The following CR1L variants were observed in gnomAD, a reference collection of about 807,000 sequenced individuals.
The protein encoded by CR1L is complement C3b/C4b receptor 1 like.
CR1L carries 59 observed loss-of-function variants against 62.3 expected under a neutral mutation model. That is an observed-to-expected ratio of 0.95 (90% confidence interval 0.77 to 1.18). The LOEUF (loss-of-function observed/expected upper bound fraction) is 1.18, where lower values mean the gene tolerates loss of function less well. Ranked by LOEUF, CR1L falls within the 50% of genes most tolerant of loss-of-function variation. The pLI, the probability that CR1L is intolerant of heterozygous loss-of-function variation, is 0.00. For missense variants in CR1L, 700 were observed against 702.8 expected (o/e 1.00, Z 0.04); for synonymous variants, 279 against 248.7 (o/e 1.12, Z -1.15).
At chr1:207,657,731 T>TA (rs1377946208) in intron 1 of CR1L, among the ~76,000 whole-genome samples, 1 of 152,182 alleles carries the variant, frequency 6.6e-6, no homozygotes, top group Non-Finnish European at 1.5e-5. Flanking sequence ...AAACTCTGGA[T>TA]AAAAAATAAT....
At chr1:207,675,854 T>C (rs1333630921) in intron 1 of CR1L, among the ~76,000 whole-genome samples, 1 of 152,240 alleles carries the variant, frequency 6.6e-6, no homozygotes, top group Non-Finnish European at 1.5e-5. Context: ...GTCTACTATA[T>C]AATATGAAAT....
At chr1:207,674,861 C>CA (rs1238424771) in intron 1 of CR1L, among the ~76,000 whole-genome samples, 36 of 141,578 alleles carry the variant, frequency 2.5e-4, no homozygotes, top group Non-Finnish European at 5.0e-4. Context: ...CTGTTTTATT[C>CA]GTGTTTTTTT....
intron 3 of CR1L, among the ~76,000 whole-genome samples, chr1:207,683,399 C>T (rs780434360): frequency 2.6e-5 from 4 of 152,058 alleles, no homozygotes; most frequent in South Asian, 2.1e-4. Flanking sequence ...AGCCTCCAAA[C>T]GTGCTGGGAT....
At chr1:207,668,867 C>A (rs1373616571) in intron 1 of CR1L, among the ~76,000 whole-genome samples, 1 of 150,974 alleles carries the variant, frequency 6.6e-6, no homozygotes. Context: ...AATCTAGTCT[C>A]CATACTATAC....
chr1:207,669,312 C>A, intron 1 of CR1L: 1 of 612,040 alleles, frequency 1.6e-6, no homozygotes, highest in Non-Finnish European at 2.9e-6. Flanking sequence ...GCATTTTGTC[C>A]CGGAACCCCG....
intron 10 of CR1L, chr1:207,711,354 T>C (rs115123831): frequency 6.2e-6 from 1 of 162,348 alleles, no homozygotes; most frequent in African/African-American, 2.4e-5. Context: ...AAGACGGATG[T>C]ACCGAGGCAG....
At chr1:207,721,223 G>A (rs1449073144) in intron 11 of CR1L, among the ~76,000 whole-genome samples, 1 of 151,952 alleles carries the variant, frequency 6.6e-6, no homozygotes, top group African/African-American at 2.4e-5. Context: ...TTAAGTTTTA[G>A]GATACATGTG....
intron 1 of CR1L, among the ~76,000 whole-genome samples, chr1:207,675,012 T>C (rs1422319677): frequency 1.3e-5 from 2 of 152,166 alleles, no homozygotes; most frequent in African/African-American, 2.4e-5. Context: ...CATTTTTTTT[T>C]AAGTTTTATA....
intron 1 of CR1L, chr1:207,659,151 T>G (rs1407127725): frequency 5.3e-5 from 8 of 152,338 alleles, no homozygotes; most frequent in Admixed American, 6.5e-5. Context: ...GAGCCACACG[T>G]GCCACAGTGC....
chr1:207,678,475 G>A (rs1417731551), intron 3 of CR1L, among the ~76,000 whole-genome samples, 178 bp downstream of exon 3: 2 of 152,182 alleles, frequency 1.3e-5, no homozygotes, highest in Non-Finnish European at 2.9e-5. Context: ...AGATCAGGGG[G>A]AAAATCATCT....
At chr1:207,678,875 C>T (rs1352756567) in intron 3 of CR1L, among the ~76,000 whole-genome samples, 1 of 152,204 alleles carries the variant, frequency 6.6e-6, no homozygotes, top group Non-Finnish European at 1.5e-5. Context: ...AGCCCCAGGC[C>T]TTGGCGTGTG....
chr1:207,719,777 A>G (rs1488679583), intron 11 of CR1L, among the ~76,000 whole-genome samples: 1 of 151,906 alleles, frequency 6.6e-6, no homozygotes, highest in East Asian at 1.9e-4. Context: ...TTACACAACA[A>G]CCTATGAGGA....
intron 1 of CR1L, among the ~76,000 whole-genome samples, chr1:207,666,586 C>A (rs1324761350): frequency 3.3e-5 from 5 of 152,136 alleles, no homozygotes; most frequent in African/African-American, 1.2e-4. Flanking sequence ...TTATCCATTG[C>A]AAACTAACGC....
chr1:207,665,201 C>T (rs1663498582), intron 1 of CR1L, among the ~76,000 whole-genome samples: 1 of 150,184 alleles, frequency 6.7e-6, no homozygotes, highest in African/African-American at 2.5e-5. Flanking sequence ...CTACAGGCAC[C>T]CGCCACCATG....
intron 11 of CR1L, among the ~76,000 whole-genome samples, chr1:207,719,259 TTA>T (rs1654077167): frequency 1.1e-5 from 1 of 92,140 alleles, no homozygotes; most frequent in Non-Finnish European, 2.3e-5. Flanking sequence ...AAAGTATAAT[TTA>T]AAAAAAAAAA....
intron 1 of CR1L, among the ~76,000 whole-genome samples, chr1:207,657,603 T>A (rs1435465476): frequency 2.0e-5 from 3 of 152,060 alleles, no homozygotes; most frequent in African/African-American, 7.2e-5. Flanking sequence ...AAATAATAAA[T>A]CAACAAACAC....
chr1:207,700,121 A>G (rs1664168653), intron 8 of CR1L, among the ~76,000 whole-genome samples: 1 of 152,176 alleles, frequency 6.6e-6, no homozygotes, highest in African/African-American at 2.4e-5. Flanking sequence ...TAGAAGATAG[A>G]ACTTTGCTTC....
At chr1:207,708,403 G>C (rs1252649461) in intron 10 of CR1L, 140 bp downstream of exon 10, 3 of 1,122,404 alleles carry the variant, frequency 2.7e-6, no homozygotes, top group African/African-American at 3.2e-5. Context: ...TCCTTAAAAT[G>C]GCTCACAGCA....
rs770336022 is a variant in CR1L at position 207,701,611 on chromosome 1, A to G, written c.1321A>G (p.Thr441Ala). The part of the protein sequence containing the change: ...HVGSRINYSC[T>A]TGHRLIGHSS... Reference sequence around the variant, plus strand: ...TGGATCCAGAATCAACTATTCTTGTACTACAGGGTGAGTTGGCAGCAACAT... The same window carrying G: ...TGGATCCAGAATCAACTATTCTTGTGCTACAGGGTGAGTTGGCAGCAACAT... Residue 441 changes from threonine (T) to alanine (A), a missense_variant, in exon 9 of 12, where the codon ACT (threonine) becomes GCT (alanine). Thr to Ala is a moderately conservative substitution (Grantham distance 58). Coordinates refer to ENST00000508064, the MANE Select transcript of CR1L (RefSeq NM_175710.2). The G allele has an allele frequency of 1.2e-6, 2 of 1,613,754 alleles. No individual in the cohort carries two copies. The highest frequency in any genetic ancestry group is 1.7e-6 in the Non-Finnish European group (2 of 1,179,712).
Sources: gnomAD v4.1 joint callset for allele counts (sites outside exome capture counted in the v4.1 genomes callset) on GRCh38, gnomAD v4.1.1 for gene constraint, MANE v1.5 for transcripts, NCBI Gene and HGNC (gene_info 2026-07-23, HGNC 2026-07-21) for gene names.